The following KCNK2 variants were observed in gnomAD, a reference collection of about 807,000 sequenced individuals.
KCNK2 encodes the protein potassium two pore domain channel subfamily K member 2, also known as potassium channel subfamily K member 2.
A neutral mutation model predicts 40.5 loss-of-function variants in KCNK2; 21 were observed. The observed-to-expected ratio is 0.52, with a 90% CI of 0.37 to 0.75. The LOEUF (loss-of-function observed/expected upper bound fraction) is 0.75. Among genes scored for constraint, KCNK2 ranks in the 30% least tolerant of loss-of-function variants. The pLI is 0.00. For synonymous variants in KCNK2, 191 were observed against 202.2 expected, an observed-to-expected ratio of 0.94 and a Z score of 0.47; for missense variants, 399 against 531.6, an observed-to-expected ratio of 0.75 and a Z score of 2.45.
At chr1:215,130,965 A>C (rs1661645729) in intron 3 of KCNK2, among the ~76,000 whole-genome samples, 1 of 151,610 alleles carries the variant, frequency 6.6e-6, no homozygotes, top group East Asian at 1.9e-4. Flanking sequence ...GGTTCACGCC[A>C]TTCTCCTGCC....
intron 6 of KCNK2, among the ~76,000 whole-genome samples, chr1:215,214,745 G>A (rs184284597): frequency 6.6e-6 from 1 of 152,196 alleles, no homozygotes; most frequent in East Asian, 1.9e-4. Flanking sequence ...AGGATGGCTT[G>A]AGCCCGGGAG....
chr1:215,182,541 A>C (rs1664267096), intron 5 of KCNK2, among the ~76,000 whole-genome samples: 1 of 152,104 alleles, frequency 6.6e-6, no homozygotes, highest in Admixed American at 6.6e-5. Flanking sequence ...CCCTGCCTGC[A>C]AGTCTCCTTG....
At chr1:215,127,078 C>A (rs1661470407) in intron 3 of KCNK2, among the ~76,000 whole-genome samples, 1 of 152,122 alleles carries the variant, frequency 6.6e-6, no homozygotes, top group South Asian at 2.1e-4. Context: ...TGATTTTTAG[C>A]AATCATAGAA....
At chr1:215,059,274 G>A (rs1372324609) in intron 1 of KCNK2, among the ~76,000 whole-genome samples, 2 of 152,064 alleles carry the variant, frequency 1.3e-5, no homozygotes, top group Admixed American at 6.6e-5. Flanking sequence ...GATGTGTGCA[G>A]CATATAATCT....
chr1:215,158,491 C>T (rs1340725624), intron 3 of KCNK2, among the ~76,000 whole-genome samples: 1 of 152,100 alleles, frequency 6.6e-6, no homozygotes, highest in African/African-American at 2.4e-5. Flanking sequence ...CAAATTAAGT[C>T]CTCTTGACAG....
At chr1:215,128,908 A>C (rs1220905040) in intron 3 of KCNK2, among the ~76,000 whole-genome samples, 1 of 152,242 alleles carries the variant, frequency 6.6e-6, no homozygotes, top group Admixed American at 6.5e-5. Flanking sequence ...ATAAGATGGA[A>C]CATGGATTTT....
At chr1:215,018,192 T>A (rs187812173) in intron 1 of KCNK2, among the ~76,000 whole-genome samples, 85 of 152,266 alleles carry the variant, frequency 5.6e-4, no homozygotes, top group Middle Eastern at 6.8e-3. Flanking sequence ...AAAATAAATC[T>A]TCAGTATTAA....
At chr1:215,019,656 G>A (rs1656720324) in intron 1 of KCNK2, among the ~76,000 whole-genome samples, 1 of 152,198 alleles carries the variant, frequency 6.6e-6, no homozygotes, top group Non-Finnish European at 1.5e-5. Context: ...TAGAGGGAGA[G>A]AATAGACAAC....
At chr1:215,106,303 C>G (rs933291683) in intron 2 of KCNK2, among the ~76,000 whole-genome samples, 1 of 152,046 alleles carries the variant, frequency 6.6e-6, no homozygotes, top group Non-Finnish European at 1.5e-5. Flanking sequence ...GAGATGGTAT[C>G]TCATCGTAGT....
chr1:215,077,831 C>A (rs1310283369), upstream of KCNK2, among the ~76,000 whole-genome samples: 2 of 152,166 alleles, frequency 1.3e-5, no homozygotes, highest in Admixed American at 1.3e-4. Context: ...TACATCACTT[C>A]TTTACACCAG....
chr1:215,018,258 A>G (rs1656662987), intron 1 of KCNK2, among the ~76,000 whole-genome samples: 1 of 152,116 alleles, frequency 6.6e-6, no homozygotes, highest in Non-Finnish European at 1.5e-5. Flanking sequence ...TGGTTTTGTC[A>G]TTTTCCCACT....
chr1:215,072,290 G>T (rs1658785057), intron 1 of KCNK2, among the ~76,000 whole-genome samples: 1 of 152,182 alleles, frequency 6.6e-6, no homozygotes, highest in South Asian at 2.1e-4. Flanking sequence ...TTGACTTACA[G>T]TTCCACATGG....
chr1:215,155,749 G>C (rs972837413), intron 3 of KCNK2, among the ~76,000 whole-genome samples: 5 of 152,074 alleles, frequency 3.3e-5, no homozygotes, highest in African/African-American at 1.2e-4. Context: ...TCCATCTCTT[G>C]ACCTTATGAT....
In KCNK2 at chr1:215,044,833, G is replaced by GCGCACA. The variant is rs540471262; in HGVS notation, c.34+38879_34+38880insGCACAC. ...TGTGTGTGTGTGTGTGTGTGCGCGCGCACACGTGTGTTGATGACGAGTTGG... is the reference window on the plus strand; with the variant it reads ...TGTGTGTGTGTGTGTGTGTGCGCGCGCGCACACACACGTGTGTTGATGACGAGTTGG... On this transcript the variant is annotated intron_variant, in intron 1 of 6. Coordinates refer to the KCNK2 transcript ENST00000391895. Among the ~76,000 whole-genome samples, 1,133 of 141,320 alleles carry GCGCACA rather than the reference G, an allele frequency of 8.0e-3. 15 individuals are homozygous for GCGCACA. Among genetic ancestry groups the GCGCACA allele is most frequent in the African/African-American group, 0.027 (1,057 of 38,916 alleles). The allele number at this position is 141,320 out of a possible 152,430, so 92.7% of individuals were successfully genotyped here.
chr1:215,175,183 G>A (rs1354752088), intron 5 of KCNK2, among the ~76,000 whole-genome samples: 1 of 152,130 alleles, frequency 6.6e-6, no homozygotes, highest in African/African-American at 2.4e-5. Flanking sequence ...ATGAAGGGCT[G>A]TTTAGTTTTG....
At chr1:215,210,526 G>A (rs1313269152) in intron 6 of KCNK2, among the ~76,000 whole-genome samples, 2 of 152,040 alleles carry the variant, frequency 1.3e-5, no homozygotes, top group Non-Finnish European at 1.5e-5. Flanking sequence ...ATGAAAAGAT[G>A]CATAGCACTA....
intron 3 of KCNK2, among the ~76,000 whole-genome samples, chr1:215,161,620 C>T (rs145132460): frequency 0.078 from 11,837 of 151,262 alleles, 510 homozygotes; most frequent in Middle Eastern, 0.12. Context: ...ATGTTCCCCT[C>T]CCTGTGTCCA....
intron 3 of KCNK2, among the ~76,000 whole-genome samples, chr1:215,144,678 G>T (rs761359706): frequency 2.0e-5 from 3 of 151,968 alleles, no homozygotes; most frequent in Non-Finnish European, 4.4e-5. Flanking sequence ...TATTGGCTGT[G>T]TCTATGCTTA....
At chr1:215,167,533 G>T (rs530593963) in intron 3 of KCNK2, among the ~76,000 whole-genome samples, 66 of 152,084 alleles carry the variant, frequency 4.3e-4, no homozygotes, top group Non-Finnish European at 8.2e-4. Flanking sequence ...AAAAGTAAAT[G>T]AAGTTGAGCT....
Sources: gnomAD v4.1 joint callset for allele counts (sites outside exome capture counted in the v4.1 genomes callset) on GRCh38, gnomAD v4.1.1 for gene constraint, MANE v1.5 for transcripts, NCBI Gene and HGNC (gene_info 2026-07-23, HGNC 2026-07-21) for gene names.